Variants in FAM13B observed in about 807,000 individuals in gnomAD.
FAM13B encodes the protein family with sequence similarity 13 member B.
A neutral mutation model predicts 117.3 loss-of-function variants in FAM13B; 60 were observed. That is an observed-to-expected ratio of 0.51 (90% CI 0.42 to 0.63). The LOEUF is 0.63. FAM13B is among the 30% of genes least tolerant of loss of function. FAM13B has a pLI of 0.00. For synonymous variants in FAM13B, 332 were observed against 356.1 expected (o/e 0.93, Z 0.76); for missense variants, 972 against 1,091.9 (o/e 0.89, Z 1.55).
intron 7 of FAM13B, among the ~76,000 whole-genome samples, chr5:138,005,872 GCTTT>G (rs1480632116): frequency 6.6e-6 from 1 of 151,410 alleles, no homozygotes; most frequent in Non-Finnish European, 1.5e-5. Flanking sequence ...ATGACATTTT[GCTTT>G]CTGACTCAAA....
At chr5:137,941,857 T>TAG in intron 23 of FAM13B, 87 bp downstream of exon 23, 1 of 1,129,560 alleles carries the variant, frequency 8.9e-7, no homozygotes, top group Non-Finnish European at 1.3e-6. Context: ...GCACAATTTC[T>TAG]AATCCCACGT....
chr5:137,993,355 C>T (rs554237623), intron 7 of FAM13B, among the ~76,000 whole-genome samples: 52 of 152,206 alleles, frequency 3.4e-4, no homozygotes, highest in African/African-American at 1.2e-3. Context: ...AGGCCAGCCA[C>T]GGCAGCTCAT....
At position 137,943,651 on chromosome 5, in the gene FAM13B, AGG is replaced by A. The variant is rs1762522106; in HGVS notation, c.2341-437_2341-436del. Among the ~76,000 whole-genome samples the A allele has an allele frequency of 2.0e-5, 3 of 152,274 alleles. No homozygotes were observed. In the East Asian group the frequency reaches 5.8e-4, roughly 29 times the overall value. On this transcript the variant is annotated intron_variant, in intron 20 of 23. Transcript: ENST00000689681. ...TCCCAGCTACTCAGGAGGCTGAGGCAGGGGAATTGCTTGAACCCCAGGAGGTG... is the reference window on the plus strand; with the variant it reads ...TCCCAGCTACTCAGGAGGCTGAGGCAGGAATTGCTTGAACCCCAGGAGGTG...
chr5:138,041,789 TG>T (rs1442051597), intron 1 of FAM13B, among the ~76,000 whole-genome samples: 3 of 146,554 alleles, frequency 2.0e-5, no homozygotes, highest in African/African-American at 5.1e-5. Flanking sequence ...AAATTGGGGG[TG>T]GGGGGTGGTA....
At chr5:137,943,620 C>A (rs1237106832) in intron 20 of FAM13B, among the ~76,000 whole-genome samples, 1 of 152,178 alleles carries the variant, frequency 6.6e-6, no homozygotes, top group Non-Finnish European at 1.5e-5. Flanking sequence ...TGGCACGCAC[C>A]TGTAGTCCCA....
intron 7 of FAM13B, among the ~76,000 whole-genome samples, chr5:137,998,110 C>G (rs1780298503): frequency 6.6e-6 from 1 of 152,252 alleles, no homozygotes; most frequent in Admixed American, 6.5e-5. Flanking sequence ...AATGCTCAGG[C>G]TGCTAAAGTG....
intron 7 of FAM13B, among the ~76,000 whole-genome samples, chr5:137,999,447 G>T (rs1210254096): frequency 3.3e-5 from 5 of 151,834 alleles, no homozygotes; most frequent in Non-Finnish European, 7.4e-5. Context: ...GTGGTGGCAC[G>T]CACCTGTAGT....
chr5:138,030,260 T>C (rs1025990738), intron 1 of FAM13B, among the ~76,000 whole-genome samples: 17 of 152,190 alleles, frequency 1.1e-4, no homozygotes, highest in Non-Finnish European at 1.5e-4. Context: ...CTTGTTTTGT[T>C]TTTTGAGACA....
intron 11 of FAM13B, 53 bp downstream of exon 11, chr5:137,962,352 T>C: frequency 4.0e-6 from 6 of 1,516,516 alleles, no homozygotes; most frequent in Non-Finnish European, 5.5e-6. Context: ...CAAAAATCTG[T>C]GAAGAGCTCC....
At chr5:138,024,873 T>G (rs1344454304) in intron 1 of FAM13B, among the ~76,000 whole-genome samples, 1 of 136,372 alleles carries the variant, frequency 7.3e-6, no homozygotes, top group African/African-American at 2.6e-5. Context: ...TTGTTTTTTT[T>G]GTTTGTTTTT....
At chr5:137,946,340 T>TAAAAAAAAAAAAAAA in intron 18 of FAM13B, 29 bp from the exon 19 acceptor site, 1 of 1,219,536 alleles carries the variant, frequency 8.2e-7, no homozygotes. Context: ...AATAACAAAA[T>TAAAAAAAAAAAAAAA]ACAAAAAAAA....
intron 18 of FAM13B, among the ~76,000 whole-genome samples, chr5:137,947,608 G>C (rs1307272096): frequency 6.6e-6 from 1 of 151,628 alleles, no homozygotes; most frequent in East Asian, 1.9e-4. Flanking sequence ...TTGAGACGAG[G>C]TCTCGCTCTG....
At chr5:138,033,401 C>G (rs969349327), upstream of FAM13B, among the ~76,000 whole-genome samples, 7 of 152,158 alleles carry the variant, frequency 4.6e-5, no homozygotes, top group African/African-American at 1.7e-4. Flanking sequence ...GAAGCCAGGC[C>G]CCCAGGGCGC....
At chr5:137,988,853 C>T (rs1777893245) in intron 7 of FAM13B, among the ~76,000 whole-genome samples, 1 of 152,190 alleles carries the variant, frequency 6.6e-6, no homozygotes, top group South Asian at 2.1e-4. Context: ...AACTATTTTT[C>T]ACACAAAAAG....
chr5:137,966,482 TATATATAGAG>T (rs1305845736), intron 10 of FAM13B, among the ~76,000 whole-genome samples: 70 of 53,864 alleles, frequency 1.3e-3, no homozygotes, highest in Non-Finnish European at 1.8e-3. Context: ...TATATATATA[TATATATAGAG>T]AGAGAGAGAG....
intron 10 of FAM13B, among the ~76,000 whole-genome samples, chr5:137,983,176 T>TAAAAAAA (rs56880991): frequency 9.3e-5 from 7 of 75,098 alleles, no homozygotes; most frequent in African/African-American, 2.3e-4. Context: ...CCAGTGTAGG[T>TAAAAAAA]AAAAAAAAAA....
At chr5:138,017,432 G>T (rs1581261803) in intron 4 of FAM13B, among the ~76,000 whole-genome samples, 1 of 152,230 alleles carries the variant, frequency 6.6e-6, no homozygotes, top group East Asian at 1.9e-4. Flanking sequence ...AAAGGAAGTA[G>T]TTATAATTTC....
At chr5:137,945,549 CTGAA>C (rs1763195211) in intron 20 of FAM13B, among the ~76,000 whole-genome samples, 1 of 152,226 alleles carries the variant, frequency 6.6e-6, no homozygotes, top group Non-Finnish European at 1.5e-5. Flanking sequence ...GACAAGGAGT[CTGAA>C]TGAGTTTCCC....
chr5:137,984,154 G>C (rs922536167), intron 10 of FAM13B, among the ~76,000 whole-genome samples: 2 of 152,158 alleles, frequency 1.3e-5, no homozygotes, highest in African/African-American at 4.8e-5. Flanking sequence ...GCCAACAGTG[G>C]AGGTTCAGAA....
Sources: allele counts gnomAD v4.1 joint callset (sites outside exome capture counted in the v4.1 genomes callset), GRCh38; gene constraint gnomAD v4.1.1; transcripts MANE v1.5; gene names NCBI Gene and HGNC (gene_info 2026-07-23, HGNC 2026-07-21).